WWOX: variants seen among roughly 807,000 people sequenced by gnomAD.
WWOX encodes the protein WW domain-containing oxidoreductase.
A neutral mutation model predicts 46.2 loss-of-function variants in WWOX; 69 were observed. The ratio of observed to expected loss-of-function variants is 1.49; its 90% CI spans 1.23 to 1.82. WWOX has a LOEUF of 1.82. Among genes scored for constraint, WWOX ranks in the 40% most tolerant of loss-of-function variants. The pLI, the probability that WWOX is intolerant of heterozygous loss-of-function variation, is 0.00. For missense variants in WWOX, 919 were observed against 542.6 expected, an observed-to-expected ratio of 1.69 and a Z score of -6.89; for synonymous variants, 359 against 202.6, an observed-to-expected ratio of 1.77 and a Z score of -6.56.
chr16:79,064,690 C>G (rs2048411436), intron 8 of WWOX, among the ~76,000 whole-genome samples: 1 of 152,182 alleles, frequency 6.6e-6, no homozygotes, highest in Non-Finnish European at 1.5e-5. Context: ...GAGATGGTGA[C>G]AGTAGAGAGT....
chr16:78,637,308 G>C (rs547737400), intron 8 of WWOX, among the ~76,000 whole-genome samples: 91 of 152,160 alleles, frequency 6.0e-4, no homozygotes, highest in Middle Eastern at 3.4e-3. Context: ...TGGGCATGGT[G>C]GTGGGGACCT....
intron 6 of WWOX, among the ~76,000 whole-genome samples, chr16:78,411,499 G>A (rs1348963809): frequency 1.3e-5 from 2 of 152,162 alleles, no homozygotes; most frequent in Non-Finnish European, 2.9e-5. Flanking sequence ...CTCATCCATG[G>A]GGCAGTGGAT....
intron 8 of WWOX, among the ~76,000 whole-genome samples, chr16:79,208,714 C>G (rs541796541): frequency 6.6e-6 from 1 of 151,994 alleles, no homozygotes; most frequent in South Asian, 2.1e-4. Flanking sequence ...ACTAATGTGC[C>G]TCAGTCTTAT....
intron 8 of WWOX, among the ~76,000 whole-genome samples, chr16:79,031,746 C>G (rs1035366152): frequency 6.9e-6 from 1 of 144,790 alleles, no homozygotes; most frequent in African/African-American, 2.5e-5. Context: ...CTCTCTGTCT[C>G]TTTCTTTCTA....
chr16:79,060,837 A>G (rs554365567), intron 8 of WWOX, among the ~76,000 whole-genome samples: 8 of 152,364 alleles, frequency 5.3e-5, no homozygotes, highest in South Asian at 2.1e-4. Flanking sequence ...ATAGTGGCCA[A>G]TAATTTTATT....
intron 8 of WWOX, among the ~76,000 whole-genome samples, chr16:79,086,440 C>T (rs1212897368): frequency 6.6e-6 from 1 of 152,204 alleles, no homozygotes. Context: ...CTCTAATTTA[C>T]TTAAGATGAC....
intron 8 of WWOX, among the ~76,000 whole-genome samples, chr16:78,678,767 CTCT>C (rs1013808902): frequency 5.9e-5 from 9 of 152,090 alleles, no homozygotes; most frequent in Non-Finnish European, 5.9e-5. Flanking sequence ...TTTTTCAGAT[CTCT>C]TCTTGTGCGT....
intron 8 of WWOX, among the ~76,000 whole-genome samples, chr16:78,888,157 T>A (rs2044507527): frequency 2.0e-5 from 3 of 152,202 alleles, no homozygotes. Context: ...TGGCTCCTTT[T>A]AAAAGGTGAG....
intron 8 of WWOX, among the ~76,000 whole-genome samples, chr16:79,011,278 C>T (rs1034500960): frequency 6.6e-6 from 1 of 151,438 alleles, no homozygotes; most frequent in African/African-American, 2.4e-5. Flanking sequence ...GCAACCATTT[C>T]ACATCCACAC....
intron 8 of WWOX, among the ~76,000 whole-genome samples, chr16:78,937,031 C>A (rs528564439): frequency 6.6e-6 from 1 of 152,094 alleles, no homozygotes; most frequent in Non-Finnish European, 1.5e-5. Context: ...ATGTACTAAA[C>A]CTGGTCCTGG....
rs541184786 is a variant in WWOX, at chr16:78,512,675, C to T, written c.1056+79923C>T. 3.6e-3 allele frequency among the ~76,000 whole-genome samples: 555 copies of T among 152,170 alleles called. 3 individuals carry two copies. The highest frequency in any genetic ancestry group is 0.013 in the African/African-American group (520 of 41,508). On this transcript the variant is annotated intron_variant, in intron 8 of 8. Transcript: ENST00000566780. ...GGTGGGACTTCAATGAGACTCATTT[C>T]GCAGGTTTTCATGTTATTATGTATA...
At chr16:79,156,231 A>G (rs9933164) in intron 8 of WWOX, among the ~76,000 whole-genome samples, 23,595 of 152,126 alleles carry the variant, frequency 0.16, 3,559 homozygotes, top group African/African-American at 0.4. Context: ...GTACAATTTC[A>G]GCTCACTGCA....
intron 8 of WWOX, among the ~76,000 whole-genome samples, chr16:79,010,961 A>G (rs1460281955): frequency 6.6e-6 from 1 of 152,050 alleles, no homozygotes; most frequent in African/African-American, 2.4e-5. Context: ...GGAGAGAAAT[A>G]GGGAGGTTTG....
intron 8 of WWOX, among the ~76,000 whole-genome samples, chr16:78,652,863 C>G (rs577486196): frequency 6.6e-6 from 1 of 152,084 alleles, no homozygotes; most frequent in Non-Finnish European, 1.5e-5. Context: ...AGGCATAAAA[C>G]GTGATTTGAC....
intron 8 of WWOX, among the ~76,000 whole-genome samples, chr16:79,195,593 C>G (rs989801110): frequency 8.5e-5 from 13 of 152,180 alleles, no homozygotes; most frequent in Admixed American, 3.9e-4. Flanking sequence ...AGCCATGCCT[C>G]TCTAACTTCA....
At position 78,425,044 on chromosome 16, in the gene WWOX, A is replaced by G. The variant is rs2083044569; in HGVS notation, c.780A>G (p.Ser260=). Residue 260 remains serine, a synonymous_variant, in exon 7 of 9, where the codon TCA becomes TCG. Transcript: ENST00000566780. ...SAPARVIVVS[S]ESHRFTDIND... ...CTGCCCGTGTCATTGTGGTCTCCTC[A>G]GAGTCCCATCGGTGGGTTTGAATTG... The G allele has an allele frequency of 3.7e-6, 6 of 1,613,816 alleles. No homozygotes were observed. Among genetic ancestry groups the G allele is most frequent in the South Asian group, 1.1e-5 (1 of 91,062 alleles).
At chr16:79,211,369 T>G (rs1434521654) in intron 8 of WWOX, among the ~76,000 whole-genome samples, 14 of 152,328 alleles carry the variant, frequency 9.2e-5, no homozygotes, top group Non-Finnish European at 1.5e-5. Context: ...TGTCCCTGTA[T>G]GAGGTGTCAA....
chr16:78,471,797 C>T (rs1317337514), intron 8 of WWOX, among the ~76,000 whole-genome samples: 1 of 152,092 alleles, frequency 6.6e-6, no homozygotes, highest in African/African-American at 2.4e-5. Flanking sequence ...TTTTTCCATG[C>T]CAAGGAGTGG....
rs547268202 is a variant in WWOX at position 78,488,035 on chromosome 16, C to G, written c.1056+55283C>G. Among the ~76,000 whole-genome samples, 449 of 152,274 alleles carry G rather than the reference C, an allele frequency of 2.9e-3. 3 individuals are homozygous for G. Among genetic ancestry groups the G allele is most frequent in the African/African-American group, 0.011 (437 of 41,546 alleles). The stretch of plus-strand genomic sequence containing the variant: ...CTTCTAAAATAAGTGGAACTGGGAC[C>G]TCTTCTCTCTCAGGCTGTTACTTGT... On this transcript the variant is annotated intron_variant, in intron 8 of 8. Transcript: ENST00000566780.
Sources: gnomAD v4.1 joint callset for allele counts (sites outside exome capture counted in the v4.1 genomes callset) on GRCh38, gnomAD v4.1.1 for gene constraint, MANE v1.5 for transcripts, NCBI Gene and HGNC (gene_info 2026-07-23, HGNC 2026-07-21) for gene names.